GEMIN2: variants seen among roughly 807,000 people sequenced by gnomAD.
The protein encoded by GEMIN2 is gem-associated protein 2.
Under a neutral mutation model 45.8 loss-of-function variants are expected in GEMIN2, and 37 were observed. The observed-to-expected ratio is 0.81, with a 90% confidence interval of 0.62 to 1.06. The LOEUF is 1.06. Ranked by LOEUF, GEMIN2 falls within the 50% of genes least tolerant of loss-of-function variation. The pLI is 0.00. For missense variants in GEMIN2, 335 were observed against 321.8 expected (o/e 1.04, Z -0.31); for synonymous variants, 101 against 111.5 (o/e 0.91, Z 0.60).
In GEMIN2 at chr14:39,128,432, T is replaced by G. The variant is rs2052673855; in HGVS notation, c.600+84T>G. On this transcript the variant is annotated intron_variant, in intron 7 of 9. Coordinates refer to ENST00000308317, the MANE Select transcript of GEMIN2 (RefSeq NM_003616.3). ...CTGTGGGCCACATATACAATGGTGC[T>G]CCTATAGGATTATAATACTGTATTT... 2.0e-5 allele frequency: 14 copies of G among 691,284 alleles called. No homozygotes were observed. The South Asian group carries it at 2.3e-4, about 11-fold the overall frequency. The allele number at this position is 691,284 out of a possible 1,614,324, so 42.8% of individuals were successfully genotyped here.
intron 7 of GEMIN2, among the ~76,000 whole-genome samples, chr14:39,130,895 GAAAAAA>G (rs796388488): frequency 7.2e-6 from 1 of 138,968 alleles, no homozygotes; most frequent in Non-Finnish European, 1.6e-5. Context: ...ACTCCATCTC[GAAAAAA>G]AAAAGAAAAA....
At chr14:39,118,386 G>A (rs920799101) in intron 3 of GEMIN2, among the ~76,000 whole-genome samples, 154 bp from the exon 4 acceptor site, 5 of 152,098 alleles carry the variant, frequency 3.3e-5, no homozygotes, top group African/African-American at 1.2e-4. Context: ...CCCAAGTAGT[G>A]TACTCTGTAC....
In GEMIN2 at chr14:39,116,749, G is replaced by A. The variant is rs147547735; in HGVS notation, c.223-1250G>A. 1.3e-3 allele frequency among the ~76,000 whole-genome samples: 199 copies of A among 148,772 alleles called. 1 individual carries two copies. Among genetic ancestry groups the A allele is most frequent in the Middle Eastern group, 3.4e-3 (1 of 290 alleles). On this transcript the variant is annotated intron_variant, in intron 2 of 9. Coordinates refer to ENST00000308317, the MANE Select transcript of GEMIN2 (RefSeq NM_003616.3). ...ATGTCTTAATATACCTAATTTGATGGATTGATTGATTGATTGATTGAGACA... is the reference window on the plus strand; with the variant it reads ...ATGTCTTAATATACCTAATTTGATGAATTGATTGATTGATTGATTGAGACA...
Position 39,117,317 on chromosome 14 carries a change from G to A in GEMIN2, c.223-682G>A, listed in dbSNP as rs115673985. Among the ~76,000 whole-genome samples, 1,290 of 150,644 alleles carry A rather than the reference G, an allele frequency of 8.6e-3. 23 individuals carry two copies. Among genetic ancestry groups the A allele is most frequent in the African/African-American group, 0.03 (1,228 of 41,114 alleles). ...AGAAGTAGACAATTTAAAGTTAAGCGTCTTTAAGTACATTTTGCCCATACC... is the reference window on the plus strand; with the variant it reads ...AGAAGTAGACAATTTAAAGTTAAGCATCTTTAAGTACATTTTGCCCATACC... On this transcript the variant is annotated intron_variant, in intron 2 of 9. Coordinates refer to ENST00000308317, the MANE Select transcript of GEMIN2 (RefSeq NM_003616.3).
intron 9 of GEMIN2, among the ~76,000 whole-genome samples, chr14:39,135,185 T>A (rs1029296639): frequency 6.6e-6 from 1 of 152,184 alleles, no homozygotes; most frequent in Non-Finnish European, 1.5e-5. Context: ...AACATTCAAG[T>A]GTATTTTTTG....
At chr14:39,133,554 G>T in intron 8 of GEMIN2, 107 bp from the exon 9 acceptor site, 1 of 529,988 alleles carries the variant, frequency 1.9e-6, no homozygotes, top group Non-Finnish European at 3.2e-6. Context: ...GATGATTACT[G>T]TCATATAATA....
At chr14:39,131,865 AT>A in intron 7 of GEMIN2, 92 bp from the exon 8 acceptor site, 1 of 684,032 alleles carries the variant, frequency 1.5e-6, no homozygotes, top group Non-Finnish European at 2.6e-6. Flanking sequence ...GAATTTATTC[AT>A]AGCAGATAAT....
chr14:39,114,624 A>C (rs2052478239), intron 1 of GEMIN2, 149 bp downstream of exon 1: 1 of 671,436 alleles, frequency 1.5e-6, no homozygotes, highest in Admixed American at 2.9e-5. Context: ...GTTTCTGTTG[A>C]ACGTGATTGC....
chr14:39,118,001 T>G lies in GEMIN2; in HGVS notation c.225T>G (p.Leu75=). The change falls in exon 3 of 10, where the codon CTT becomes CTG. Residue 75 remains leucine (L), a splice_region_variant and synonymous_variant. Coordinates refer to ENST00000308317, the MANE Select transcript of GEMIN2 (RefSeq NM_003616.3). The part of the protein sequence containing the change: ...LKRKQSVNIS[L]SGCQPAPEGY... ...ATATTTGTGAACTTGATCTCTAGCT[T>G]TCAGGATGCCAACCCGCCCCTGAAG... The G allele has an allele frequency of 6.3e-7, 1 of 1,581,004 alleles. No homozygotes were observed. Among genetic ancestry groups the G allele is most frequent in the South Asian group, 1.1e-5 (1 of 89,570 alleles).
At chr14:39,124,366 T>C (rs918984501) in intron 5 of GEMIN2, among the ~76,000 whole-genome samples, 2 of 152,220 alleles carry the variant, frequency 1.3e-5, no homozygotes, top group Non-Finnish European at 2.9e-5. Context: ...ATCTTATCAA[T>C]GTTACAGTTT....
rs754017943 is a variant in GEMIN2 at position 39,118,038 on chromosome 14, A to G, written c.262A>G (p.Thr88Ala). Reference sequence around the variant, plus strand: ...ACCCGCCCCTGAAGGTTATTCCCCAACACTTCAATGGCAACAGCAACAAGT... The same window carrying G: ...ACCCGCCCCTGAAGGTTATTCCCCAGCACTTCAATGGCAACAGCAACAAGT... ...CQPAPEGYSP[T>A]LQWQQQQVAQ... Residue 88 changes from threonine to alanine, a missense_variant, in exon 3 of 10, where the codon ACA (threonine) becomes GCA (alanine). Physicochemically the swap from Thr to Ala is moderately conservative, Grantham distance 58. Coordinates refer to ENST00000308317, the MANE Select transcript of GEMIN2 (RefSeq NM_003616.3). The G allele has an allele frequency of 2.5e-5, 41 of 1,609,518 alleles. No individual in the cohort carries two copies. The South Asian group carries it at 3.6e-4, about 14-fold the overall frequency.
At chr14:39,125,963 T>C (rs1294375740) in intron 6 of GEMIN2, among the ~76,000 whole-genome samples, 1 of 150,236 alleles carries the variant, frequency 6.7e-6, no homozygotes, top group African/African-American at 2.5e-5. Context: ...GAGGTTGCAG[T>C]GAGCCGAGAT....
At chr14:39,130,747 T>A (rs1039740928) in intron 7 of GEMIN2, among the ~76,000 whole-genome samples, 5 of 151,148 alleles carry the variant, frequency 3.3e-5, no homozygotes, top group African/African-American at 1.2e-4. Flanking sequence ...ATACAAAAAT[T>A]AGCTGAGCAT....
At chr14:39,115,790 T>C (rs1391732765) in intron 2 of GEMIN2, among the ~76,000 whole-genome samples, 2 of 152,046 alleles carry the variant, frequency 1.3e-5, no homozygotes, top group Non-Finnish European at 2.9e-5. Context: ...CTCTGGACAT[T>C]TTCATTTATT....
At chr14:39,131,674 T>C (rs1339090974) in intron 7 of GEMIN2, 2 of 299,848 alleles carry the variant, frequency 6.7e-6, no homozygotes, top group Non-Finnish European at 1.2e-5. Context: ...TGTAGTGTTC[T>C]GCTTACAAAT....
chr14:39,135,586 CAAAAAAAAAAGAAAAAAG>C (rs2052771872), intron 9 of GEMIN2, among the ~76,000 whole-genome samples: 1 of 121,810 alleles, frequency 8.2e-6, no homozygotes, highest in Non-Finnish European at 1.7e-5. Flanking sequence ...AACTCCATCT[CAAAAAAAAAAGAAAAAAG>C]AAAAAAAAAA....
At chr14:39,135,533 C>T (rs973822754) in intron 9 of GEMIN2, among the ~76,000 whole-genome samples, 1 of 151,630 alleles carries the variant, frequency 6.6e-6, no homozygotes, top group Non-Finnish European at 1.5e-5. Flanking sequence ...TTGCAGTGAG[C>T]TGAGATCGTG....
chr14:39,127,053 C>T (rs892021497), intron 6 of GEMIN2, among the ~76,000 whole-genome samples: 4 of 151,164 alleles, frequency 2.6e-5, no homozygotes, highest in South Asian at 2.1e-4. Context: ...ATGAGCCCAC[C>T]GCGCCTGGCC....
At chr14:39,116,704 T>C (rs1281135340) in intron 2 of GEMIN2, among the ~76,000 whole-genome samples, 1 of 152,236 alleles carries the variant, frequency 6.6e-6, no homozygotes, top group Non-Finnish European at 1.5e-5. Flanking sequence ...TTTTAGTTGA[T>C]GGACATTTAA....
Sources: gnomAD v4.1 joint callset for allele counts (sites outside exome capture counted in the v4.1 genomes callset) on GRCh38, gnomAD v4.1.1 for gene constraint, MANE v1.5 for transcripts, NCBI Gene and HGNC (gene_info 2026-07-23, HGNC 2026-07-21) for gene names.